GRID2: variants seen among roughly 807,000 people sequenced by gnomAD.
GRID2 encodes glutamate ionotropic receptor delta type subunit 2, also known as glutamate receptor ionotropic, delta-2.
Under a neutral mutation model 114.8 loss-of-function variants are expected in GRID2, and 33 were observed. The ratio of observed to expected loss-of-function variants is 0.29; its 90% confidence interval spans 0.22 to 0.38. The LOEUF (loss-of-function observed/expected upper bound fraction) is 0.38, where lower values mean the gene tolerates loss of function less well. Ranked by LOEUF, GRID2 falls within the 10% of genes least tolerant of loss-of-function variation. The pLI is 1.00. For missense variants in GRID2, 1,184 were observed against 1,257.7 expected (o/e 0.94, Z 0.89); for synonymous variants, 505 against 449.9 (o/e 1.12, Z -1.55).
chr4:93,797,452 G>A (rs926417694), intron 1 of GRID2, among the ~76,000 whole-genome samples: 106 of 152,168 alleles, frequency 7.0e-4, no homozygotes, highest in African/African-American at 2.4e-3. Flanking sequence ...TTAATGGAGA[G>A]ATGCTGAAGT....
intron 8 of GRID2, among the ~76,000 whole-genome samples, chr4:93,382,623 T>C (rs1763963591): frequency 6.6e-6 from 1 of 152,048 alleles, no homozygotes; most frequent in South Asian, 2.1e-4. Flanking sequence ...TTTATTCATG[T>C]ATTATTTCTT....
intron 2 of GRID2, among the ~76,000 whole-genome samples, chr4:92,914,305 A>T (rs1748620545): frequency 2.6e-5 from 4 of 152,144 alleles, no homozygotes; most frequent in African/African-American, 9.6e-5. Flanking sequence ...CCTTAGCTAT[A>T]TGCAGACTTT....
At chr4:93,598,163 A>G (rs1388183059) in intron 13 of GRID2, among the ~76,000 whole-genome samples, 4 of 152,216 alleles carry the variant, frequency 2.6e-5, no homozygotes, top group Admixed American at 1.3e-4. Context: ...AATAAGAGGA[A>G]TGTCAGATTT....
intron 8 of GRID2, among the ~76,000 whole-genome samples, chr4:93,343,842 T>C (rs1334192405): frequency 6.6e-6 from 1 of 152,108 alleles, no homozygotes; most frequent in South Asian, 2.1e-4. Context: ...GATTATAGAA[T>C]GTGTAAGCTT....
rs568789763 is a variant in GRID2, at chr4:93,693,731, G to A, written c.2360+67296G>A. Among the ~76,000 whole-genome samples, 6 of 152,066 alleles carry A rather than the reference G, an allele frequency of 3.9e-5. No homozygotes were observed. In the East Asian group the frequency reaches 7.7e-4, roughly 20 times the overall value. The stretch of plus-strand genomic sequence containing the variant: ...AGAGATTTAATTTTCGCCATTAGTC[G>A]AGGACCACAGTAATTTCATTGTGTG... On this transcript the variant is annotated intron_variant, in intron 14 of 15. Transcript: ENST00000282020.
chr4:92,961,792 A>C (rs967209835), intron 2 of GRID2, among the ~76,000 whole-genome samples: 3 of 151,034 alleles, frequency 2.0e-5, no homozygotes, highest in African/African-American at 4.9e-5. Flanking sequence ...TGATAGTCTC[A>C]TTACATATAT....
chr4:92,325,358 C>T (rs1726537882), intron 1 of GRID2, among the ~76,000 whole-genome samples: 1 of 151,710 alleles, frequency 6.6e-6, no homozygotes, highest in Non-Finnish European at 1.5e-5. Flanking sequence ...GTGACTGGCC[C>T]ACAATGAATT....
intron 8 of GRID2, among the ~76,000 whole-genome samples, chr4:93,240,982 A>G (rs1287392333): frequency 1.3e-5 from 2 of 151,530 alleles, no homozygotes; most frequent in East Asian, 3.9e-4. Context: ...GCTTGGCCTG[A>G]AAGTTTATAT....
intron 14 of GRID2, among the ~76,000 whole-genome samples, chr4:93,651,327 G>A (rs895143549): frequency 2.6e-5 from 4 of 152,128 alleles, no homozygotes; most frequent in South Asian, 2.1e-4. Context: ...TTATTCTTTC[G>A]ATAACATAGG....
chr4:93,571,213 G>T (rs1341475084), intron 13 of GRID2, among the ~76,000 whole-genome samples: 2 of 151,976 alleles, frequency 1.3e-5, no homozygotes, highest in East Asian at 1.9e-4. Flanking sequence ...AGGGGTGAAG[G>T]TCCTAAAAAT....
intron 14 of GRID2, among the ~76,000 whole-genome samples, chr4:93,663,965 A>G (rs1369370968): frequency 6.6e-6 from 1 of 152,168 alleles, no homozygotes; most frequent in Non-Finnish European, 1.5e-5. Flanking sequence ...TTCTAGTGCT[A>G]CAAAGGACAA....
intron 2 of GRID2, among the ~76,000 whole-genome samples, chr4:92,949,823 A>T (rs1751900359): frequency 6.6e-6 from 1 of 151,862 alleles, no homozygotes; most frequent in Non-Finnish European, 1.5e-5. Context: ...TGAGTATGAG[A>T]TGAAGAGGGA....
At chr4:93,050,243 A>G (rs1162509914) in intron 2 of GRID2, among the ~76,000 whole-genome samples, 1 of 152,104 alleles carries the variant, frequency 6.6e-6, no homozygotes, top group Non-Finnish European at 1.5e-5. Flanking sequence ...TAGCCAGTCA[A>G]CCATTAAATA....
At chr4:93,687,166 A>C (rs2110106651) in intron 14 of GRID2, among the ~76,000 whole-genome samples, 1 of 152,156 alleles carries the variant, frequency 6.6e-6, no homozygotes, top group Non-Finnish European at 1.5e-5. Context: ...AGAGAGGTTT[A>C]TAAAATAAGA....
intron 8 of GRID2, among the ~76,000 whole-genome samples, chr4:93,365,163 G>A (rs1484011217): frequency 1.3e-5 from 2 of 152,080 alleles, no homozygotes; most frequent in African/African-American, 4.8e-5. Context: ...TTTATGTGAG[G>A]TATGTACTAC....
chr4:93,602,948 G>A (rs770107440), intron 13 of GRID2, among the ~76,000 whole-genome samples: 6 of 152,218 alleles, frequency 3.9e-5, no homozygotes, highest in East Asian at 3.8e-4. Context: ...AGTGGCTCAC[G>A]CCTGTAATCC....
At chr4:92,772,355 C>T (rs1578171569) in intron 2 of GRID2, among the ~76,000 whole-genome samples, 1 of 152,016 alleles carries the variant, frequency 6.6e-6, no homozygotes, top group Non-Finnish European at 1.5e-5. Context: ...TACCTTCTTA[C>T]CTTTCTGTGT....
chr4:92,354,195 C>A (rs540149226), intron 1 of GRID2, among the ~76,000 whole-genome samples: 8 of 152,098 alleles, frequency 5.3e-5, no homozygotes, highest in African/African-American at 1.9e-4. Flanking sequence ...AAGACTGCTA[C>A]CCAACCATCA....
rs368372814 is a variant in GRID2 at position 92,511,302 on chromosome 4, A to G, written c.89-78829A>G. On this transcript the variant is annotated intron_variant, in intron 1 of 15. Transcript: ENST00000282020. ...AACTAGATCACACATAAACTACCAG[A>G]GTGAGAACACACTTATCACCAAGGG... Among the ~76,000 whole-genome samples the G allele has an allele frequency of 3.3e-5, 5 of 151,892 alleles. No homozygotes were observed. The East Asian group carries it at 7.8e-4, about 24-fold the overall frequency.
Sources: gnomAD v4.1 joint callset for allele counts (sites outside exome capture counted in the v4.1 genomes callset) on GRCh38, gnomAD v4.1.1 for gene constraint, MANE v1.5 for transcripts, NCBI Gene and HGNC (gene_info 2026-07-23, HGNC 2026-07-21) for gene names.